The following SPOCK1 variants were observed in gnomAD, a reference collection of about 807,000 sequenced individuals.
SPOCK1 encodes SPARC (osteonectin), cwcv and kazal like domains proteoglycan 1, also known as testican-1.
A neutral mutation model predicts 55.3 loss-of-function variants in SPOCK1; 23 were observed. The ratio of observed to expected loss-of-function variants is 0.42; its 90% CI spans 0.30 to 0.59. The LOEUF (loss-of-function observed/expected upper bound fraction) is 0.59, where lower values mean the gene tolerates loss of function less well. SPOCK1 is among the 20% of genes least tolerant of loss of function. The pLI, the probability that SPOCK1 is intolerant of heterozygous loss-of-function variation, is 0.22. For missense variants in SPOCK1, 499 were observed against 552.5 expected (o/e 0.90, Z 0.97); for synonymous variants, 226 against 221.0 (o/e 1.02, Z -0.20).
chr5:137,332,186 G>T (rs1435474875), intron 2 of SPOCK1, among the ~76,000 whole-genome samples: 1 of 151,564 alleles, frequency 6.6e-6, no homozygotes, highest in African/African-American at 2.4e-5. Flanking sequence ...TTCCTCCTGG[G>T]ATCCCCACCC....
intron 2 of SPOCK1, among the ~76,000 whole-genome samples, chr5:137,313,775 T>A (rs556669282): frequency 6.6e-5 from 10 of 151,144 alleles, no homozygotes; most frequent in East Asian, 4.0e-4. Flanking sequence ...GTTGCATTCA[T>A]GCATGACAGG....
rs1442415396 is a variant in SPOCK1, at chr5:137,140,622, T to A, written c.305A>T (p.Tyr102Phe). The A allele has an allele frequency of 6.2e-7, 1 of 1,613,874 alleles. No homozygotes were observed. The highest frequency in any genetic ancestry group is 2.2e-5 in the East Asian group (1 of 44,878). The change falls in exon 4 of 11, where the codon TAC becomes TTC. Residue 102 changes from tyrosine to phenylalanine, a missense_variant. By Grantham distance (22) the Tyr-to-Phe change is conservative (BLOSUM62 3). Around this residue, in one of 3 missense-constraint regions of SPOCK1, gnomAD observed 386 missense variants for 400.6 expected, o/e 0.96. Transcript: ENST00000394945. ...SPHKVCVTQDYQTALCVSRKH... is the reference protein window; with the variant it reads ...SPHKVCVTQDFQTALCVSRKH... Reference sequence around the variant, plus strand: ...GCGGCTGACACACAGGGCGGTCTGGTAGTCCTGGGTCACACACACTTTGTG... The same window carrying A: ...GCGGCTGACACACAGGGCGGTCTGGAAGTCCTGGGTCACACACACTTTGTG...
At chr5:137,446,047 A>G (rs1753120456) in intron 2 of SPOCK1, among the ~76,000 whole-genome samples, 1 of 152,198 alleles carries the variant, frequency 6.6e-6, no homozygotes, top group Non-Finnish European at 1.5e-5. Context: ...AGTTGAAATT[A>G]AAGCTCTCAG....
intron 2 of SPOCK1, among the ~76,000 whole-genome samples, chr5:137,370,802 C>T (rs1751185100): frequency 6.6e-6 from 1 of 152,218 alleles, no homozygotes; most frequent in Non-Finnish European, 1.5e-5. Flanking sequence ...CTTTAAGCAG[C>T]GTTGGCAAAG....
chr5:137,266,491 C>T (rs531560102), intron 3 of SPOCK1, among the ~76,000 whole-genome samples: 2 of 152,230 alleles, frequency 1.3e-5, no homozygotes, highest in East Asian at 1.9e-4. Context: ...CTTCTGTGGG[C>T]CATGCTTAAA....
chr5:137,178,650 C>A (rs1353882645), intron 3 of SPOCK1, among the ~76,000 whole-genome samples: 1 of 152,196 alleles, frequency 6.6e-6, no homozygotes, highest in Non-Finnish European at 1.5e-5. Flanking sequence ...AGTACCAGCC[C>A]AACCAACTCC....
chr5:137,156,782 C>T (rs1476308262), intron 3 of SPOCK1, among the ~76,000 whole-genome samples: 1 of 152,032 alleles, frequency 6.6e-6, no homozygotes, highest in Admixed American at 6.6e-5. Context: ...AGAGAAGAAC[C>T]AGAATTTGCT....
At chr5:137,155,118 C>T (rs1264138301) in intron 3 of SPOCK1, among the ~76,000 whole-genome samples, 2 of 152,086 alleles carry the variant, frequency 1.3e-5, no homozygotes, top group African/African-American at 2.4e-5. Context: ...TGCAAGTCCT[C>T]GGTAAGTGTT....
At chr5:137,105,416 C>T (rs1285091626) in intron 5 of SPOCK1, among the ~76,000 whole-genome samples, 3 of 152,298 alleles carry the variant, frequency 2.0e-5, no homozygotes, top group South Asian at 2.1e-4. Context: ...AGTAGCCACA[C>T]ATAAAAACCT....
At chr5:137,382,300 C>A (rs1214488145) in intron 2 of SPOCK1, among the ~76,000 whole-genome samples, 1 of 152,244 alleles carries the variant, frequency 6.6e-6, no homozygotes, top group East Asian at 1.9e-4. Flanking sequence ...AAGTTCCAAA[C>A]TTTCCCACAT....
At chr5:137,147,799 A>G (rs1754232831) in intron 3 of SPOCK1, among the ~76,000 whole-genome samples, 1 of 152,222 alleles carries the variant, frequency 6.6e-6, no homozygotes, top group African/African-American at 2.4e-5. Context: ...TGGTTTAGTT[A>G]ATAACATAAT....
At chr5:137,258,180 T>A (rs1756674759) in intron 3 of SPOCK1, among the ~76,000 whole-genome samples, 1 of 152,186 alleles carries the variant, frequency 6.6e-6, no homozygotes, top group South Asian at 2.1e-4. Context: ...ATTTCTATGT[T>A]ACAGATAAGA....
rs546171509 is a variant in SPOCK1 at position 136,988,106 on chromosome 5, G to A, written c.928+316C>T. On this transcript the variant is annotated intron_variant, in intron 8 of 10. Transcript: ENST00000394945. ...GTATTTTTTACATTGAGAGCTCACA[G>A]TGACCTTTGGATTATGTCATGAAGG... Among the ~76,000 whole-genome samples the A allele has an allele frequency of 1.4e-4, 21 of 152,316 alleles. 1 individual carries two copies. In the Middle Eastern group the frequency reaches 0.024, roughly 173 times the overall value.
At chr5:137,403,203 C>A (rs1752020483) in intron 2 of SPOCK1, among the ~76,000 whole-genome samples, 1 of 152,230 alleles carries the variant, frequency 6.6e-6, no homozygotes, top group African/African-American at 2.4e-5. Context: ...TGCTAGGATT[C>A]CGGCCCTCAC....
chr5:137,431,544 G>C (rs1752743431), intron 2 of SPOCK1, among the ~76,000 whole-genome samples: 1 of 152,236 alleles, frequency 6.6e-6, no homozygotes, highest in Non-Finnish European at 1.5e-5. Flanking sequence ...TGGTGGTGTT[G>C]GGAGGTGGGA....
rs1467382337 is a variant in SPOCK1, at chr5:136,978,257, C to T, written c.*397G>A. 1 of 303,160 alleles carries T rather than the reference C, an allele frequency of 3.3e-6. No individual in the cohort carries two copies. The highest frequency in any genetic ancestry group is 2.1e-5 in the African/African-American group (1 of 46,678). The allele number at this position is 303,160 out of a possible 1,614,324, so 18.8% of individuals were successfully genotyped here. On this transcript the variant is annotated 3_prime_UTR_variant, in exon 11 of 11. Transcript: ENST00000394945. ...AGAGAAGCACTTAGACACTGTAAGG[C>T]TGGGAACCATGCTGTAATAACCACC...
intron 2 of SPOCK1, among the ~76,000 whole-genome samples, chr5:137,315,086 A>G (rs1444068845): frequency 6.6e-6 from 1 of 152,198 alleles, no homozygotes; most frequent in Non-Finnish European, 1.5e-5. Context: ...CAATCCCGAC[A>G]GGTCCCTACT....
At chr5:137,445,791 T>C (rs995380854) in intron 2 of SPOCK1, among the ~76,000 whole-genome samples, 1 of 152,184 alleles carries the variant, frequency 6.6e-6, no homozygotes, top group African/African-American at 2.4e-5. Flanking sequence ...GAAGAATTTA[T>C]AAACGGTATA....
At chr5:137,195,313 G>C (rs1328934652) in intron 3 of SPOCK1, among the ~76,000 whole-genome samples, 1 of 152,186 alleles carries the variant, frequency 6.6e-6, no homozygotes, top group African/African-American at 2.4e-5. Context: ...TTCCAGGAAG[G>C]CCTCTCTCAC....
Sources: allele counts gnomAD v4.1 joint callset (sites outside exome capture counted in the v4.1 genomes callset), GRCh38; gene constraint gnomAD v4.1.1; regional missense constraint gnomAD v4.1.1; transcripts MANE v1.5; gene names NCBI Gene and HGNC (gene_info 2026-07-23, HGNC 2026-07-21).